R3HCC1L: variants seen among roughly 807,000 people sequenced by gnomAD.
The protein encoded by R3HCC1L is R3H domain and coiled-coil containing 1 like, also known as coiled-coil domain-containing protein R3HCC1L.
R3HCC1L carries 51 observed loss-of-function variants against 59.9 expected under a neutral mutation model. The observed-to-expected ratio is 0.85, with a 90% CI of 0.68 to 1.07. The LOEUF (loss-of-function observed/expected upper bound fraction) is 1.07. Ranked by LOEUF, R3HCC1L falls within the 50% of genes least tolerant of loss-of-function variation. The pLI is 0.00. For synonymous variants in R3HCC1L, 322 were observed against 315.2 expected, an observed-to-expected ratio of 1.02 and a Z score of -0.23; for missense variants, 965 against 933.0, an observed-to-expected ratio of 1.03 and a Z score of -0.45.
intron 5 of R3HCC1L, among the ~76,000 whole-genome samples, chr10:98,225,308 A>G (rs1036794125): frequency 2.0e-5 from 3 of 152,154 alleles, no homozygotes; most frequent in Admixed American, 6.6e-5. Context: ...CCCTCTTCAC[A>G]GCCTTTCTTT....
At chr10:98,235,571 T>C in intron 8 of R3HCC1L, 51 bp downstream of exon 8, 1 of 1,440,674 alleles carries the variant, frequency 6.9e-7, no homozygotes, top group Non-Finnish European at 9.5e-7. Flanking sequence ...GTATTATTGT[T>C]CTTTCCAGAA....
chr10:98,208,308 A>G lies in R3HCC1L; in HGVS notation c.194A>G (p.Lys65Arg). ...TCCCAAAAAGAAGTCTTTAAAGACA[A>G]ACCGGAGGCTCGAAGACTAAATATC... ...SLSQKEVFKD[K>R]PEARRLNINP... The change falls in exon 5 of 10, where the codon AAA (lysine) becomes AGA (arginine). Residue 65 changes from lysine (K) to arginine (R), a missense_variant. Physicochemically the swap from Lys to Arg is conservative, Grantham distance 26 (BLOSUM62 2). Transcript: ENST00000298999. 1 of 1,614,196 alleles carries G rather than the reference A, an allele frequency of 6.2e-7. No homozygotes were observed. Among genetic ancestry groups the G allele is most frequent in the Non-Finnish European group, 8.5e-7 (1 of 1,180,034 alleles).
At chr10:98,205,466 G>A (rs1353354373) in intron 4 of R3HCC1L, among the ~76,000 whole-genome samples, 8 of 151,980 alleles carry the variant, frequency 5.3e-5, no homozygotes, top group African/African-American at 1.7e-4. Context: ...TTATTATATT[G>A]TAACTAAAAA....
At chr10:98,161,258 T>TTTGTTTCTCTTGTTA (rs1192084881) in intron 2 of R3HCC1L, among the ~76,000 whole-genome samples, 11 of 152,186 alleles carry the variant, frequency 7.2e-5, no homozygotes, top group Non-Finnish European at 1.5e-4. Context: ...AGTTTTAATG[T>TTTGTTTCTCTTGTTA]TTGTTTCTCT....
chr10:98,225,091 G>A (rs181565571), intron 5 of R3HCC1L, among the ~76,000 whole-genome samples: 1 of 152,054 alleles, frequency 6.6e-6, no homozygotes, highest in African/African-American at 2.4e-5. Context: ...GAAATCTGTG[G>A]GATATTTTAT....
At chr10:98,232,153 TA>T (rs543793326) in intron 6 of R3HCC1L, among the ~76,000 whole-genome samples, 25 of 152,242 alleles carry the variant, frequency 1.6e-4, no homozygotes, top group African/African-American at 5.5e-4. Context: ...CATGCCTGGC[TA>T]ATTTTTGTAT....
At chr10:98,180,408 A>G (rs1433879057) in intron 4 of R3HCC1L, among the ~76,000 whole-genome samples, 2 of 152,164 alleles carry the variant, frequency 1.3e-5, no homozygotes, top group African/African-American at 2.4e-5. Flanking sequence ...CTTTGATTGC[A>G]CTATGGTCTG....
intron 9 of R3HCC1L, among the ~76,000 whole-genome samples, chr10:98,238,978 C>T (rs1227026031): frequency 6.6e-6 from 1 of 152,154 alleles, no homozygotes; most frequent in Admixed American, 6.5e-5. Context: ...AGATTAGGGG[C>T]AGATTGTTTA....
chr10:98,208,026 A>G, intron 4 of R3HCC1L, 75 bp from the exon 5 acceptor site: 1 of 1,381,018 alleles, frequency 7.2e-7, no homozygotes, highest in Non-Finnish European at 9.7e-7. Context: ...CTCTGTCCCA[A>G]AAAGAAAAAA....
Position 98,152,761 on chromosome 10 carries a change from C to T in R3HCC1L, c.-267-3332C>T, listed in dbSNP as rs1331927445. 7.9e-4 allele frequency among the ~76,000 whole-genome samples: 117 copies of T among 148,766 alleles called. 21 individuals carry two copies. The highest frequency in any genetic ancestry group is 1.5e-3 in the Non-Finnish European group (97 of 66,656). ...AGGAGCCCCTCCGCCTGGCAGCCGC[C>T]CCGTCTGAGAAGTGAGGAGCCCCTC... On this transcript the variant is annotated intron_variant, in intron 1 of 9. Coordinates refer to ENST00000298999, the MANE Select transcript of R3HCC1L (RefSeq NM_001351015.2).
chr10:98,143,452 TG>T (rs1330512641), intron 1 of R3HCC1L, among the ~76,000 whole-genome samples: 1 of 152,232 alleles, frequency 6.6e-6, no homozygotes, highest in Non-Finnish European at 1.5e-5. Flanking sequence ...ATGTAGTTCT[TG>T]GTTTTTTCCT....
At chr10:98,217,062 G>GAAAAAA (rs1854293466) in intron 5 of R3HCC1L, among the ~76,000 whole-genome samples, 1 of 152,128 alleles carries the variant, frequency 6.6e-6, no homozygotes, top group Non-Finnish European at 1.5e-5. Context: ...TGTTGGTAAG[G>GAAAAAA]AAATTGAAAC....
intron 4 of R3HCC1L, among the ~76,000 whole-genome samples, chr10:98,178,205 A>G (rs960364762): frequency 6.6e-6 from 1 of 152,152 alleles, no homozygotes; most frequent in Admixed American, 6.6e-5. Context: ...TAGGTCTAAC[A>G]TTTAAGTCTT....
At chr10:98,187,283 C>T (rs796556061) in intron 4 of R3HCC1L, among the ~76,000 whole-genome samples, 1 of 151,904 alleles carries the variant, frequency 6.6e-6, no homozygotes, top group South Asian at 2.1e-4. Context: ...CTGAAATGCT[C>T]CAGTGTTCAT....
Position 98,196,899 on chromosome 10 carries a change from G to A in R3HCC1L, c.-14-11202G>A, listed in dbSNP as rs1851490961. 2.0e-5 allele frequency among the ~76,000 whole-genome samples: 3 copies of A among 152,130 alleles called. No individual in the cohort carries two copies. The South Asian group carries it at 6.2e-4, about 32-fold the overall frequency. ...CCACTACTAATTCTGGCCCTTAGCT[G>A]TCTTACTGACTTCTCCGCCCCTTCT... On this transcript the variant is annotated intron_variant, in intron 4 of 9. Coordinates refer to ENST00000298999, the MANE Select transcript of R3HCC1L (RefSeq NM_001351015.2).
intron 2 of R3HCC1L, among the ~76,000 whole-genome samples, chr10:98,159,741 A>G (rs2134153660): frequency 6.6e-6 from 1 of 152,242 alleles, no homozygotes; most frequent in African/African-American, 2.4e-5. Context: ...TGCCCCTGTC[A>G]TTCTTTGAGC....
At chr10:98,220,998 G>A in intron 5 of R3HCC1L, among the ~76,000 whole-genome samples, 1 of 147,014 alleles carries the variant, frequency 6.8e-6, no homozygotes, top group South Asian at 2.3e-4. Flanking sequence ...CCCACCAACA[G>A]TGTAAAAGTG....
chr10:98,200,833 A>G (rs1851956712), intron 4 of R3HCC1L, among the ~76,000 whole-genome samples: 1 of 152,190 alleles, frequency 6.6e-6, no homozygotes, highest in African/African-American at 2.4e-5. Context: ...ATTAAAGAAA[A>G]TGAATGATTT....
At chr10:98,226,139 C>G (rs1053814509) in intron 5 of R3HCC1L, among the ~76,000 whole-genome samples, 18 of 152,178 alleles carry the variant, frequency 1.2e-4, no homozygotes, top group Non-Finnish European at 2.1e-4. Context: ...CATGCCTGGC[C>G]TGTAACATTT....
Sources: gnomAD v4.1 joint callset for allele counts (sites outside exome capture counted in the v4.1 genomes callset) on GRCh38, gnomAD v4.1.1 for gene constraint, MANE v1.5 for transcripts, NCBI Gene and HGNC (gene_info 2026-07-23, HGNC 2026-07-21) for gene names.